TGIF1: variants seen among roughly 807,000 people sequenced by gnomAD.
TGIF1 encodes homeobox protein TGIF1.
Under a neutral mutation model 19.3 loss-of-function variants are expected in TGIF1, and 4 were observed. The ratio of observed to expected loss-of-function variants is 0.21; its 90% CI spans 0.10 to 0.47. TGIF1 has a LOEUF of 0.47. Among genes scored for constraint, TGIF1 ranks in the 20% least tolerant of loss-of-function variants. The pLI is 0.98. For missense variants in TGIF1, 275 were observed against 341.4 expected (o/e 0.81, Z 1.53); for synonymous variants, 122 against 129.3 (o/e 0.94, Z 0.38).
chr18:3,456,693 A>G lies in TGIF1; in HGVS notation c.243+113A>G. On this transcript the variant is annotated intron_variant, in intron 2 of 2. Transcript: ENST00000343820. The surrounding 1 kb of genome is among the most constrained non-coding windows in gnomAD (Gnocchi z 4.2). ...CTTGCCACTCAAAGACAGAAGGAAT[A>G]TCTTTTTATTGTAAACTTGATAGTG... 1 of 950,600 alleles carries G rather than the reference A, an allele frequency of 1.1e-6. No homozygotes were observed. The highest frequency in any genetic ancestry group is 1.6e-5 in the African/African-American group (1 of 62,046). 58.9% of individuals were successfully genotyped at this position (950,600 alleles called of 1,614,324 possible).
chr18:3,424,268 G>A (rs1016771052), intron 2 of TGIF1, among the ~76,000 whole-genome samples: 1 of 151,862 alleles, frequency 6.6e-6, no homozygotes, highest in African/African-American at 2.4e-5. Flanking sequence ...ATGTCAGATG[G>A]GTAATGTGCC....
intron 1 of TGIF1, chr18:3,412,832 G>C (rs755234420): frequency 5.9e-5 from 9 of 152,016 alleles, no homozygotes; most frequent in Non-Finnish European, 1.0e-4. Context: ...GCAACACAGG[G>C]AGACCCTGTC....
In TGIF1 at chr18:3,452,566, T is replaced by C. The variant is rs116309641; in HGVS notation, c.16+2061T>C. On this transcript the variant is annotated intron_variant, in intron 1 of 2. Transcript: ENST00000343820. ...TAGTTTCTTGGGTCCTGGAGTTCCT[T>C]TGCTTGTGCTAACTCGTGCAGTGTG... Among the ~76,000 whole-genome samples, 2,367 of 152,146 alleles carry C rather than the reference T, an allele frequency of 0.016. 71 individuals are homozygous for C. The highest frequency in any genetic ancestry group is 0.053 in the African/African-American group (2,190 of 41,428).
intron 1 of TGIF1, chr18:3,452,096 G>A (rs369936253): frequency 2.4e-5 from 38 of 1,613,870 alleles, no homozygotes; most frequent in Non-Finnish European, 3.1e-5. Context: ...GGAATCCCCA[G>A]TGCTCCTTTT....
Position 3,457,557 on chromosome 18 carries a change from G to T in TGIF1, c.436G>T (p.Ala146Ser), listed in dbSNP as rs746699119. The stretch of plus-strand genomic sequence containing the variant: ...GGAGACCCCATTTCATTCCTGTACA[G>T]CTGGGCCAAACCCAACCCTAGGGAG... Reference protein sequence around the residue: ...LEETPFHSCTAGPNPTLGRPL... With the variant: ...LEETPFHSCTSGPNPTLGRPL... The change falls in exon 3 of 3, where the codon GCT (alanine) becomes TCT (serine). Residue 146 changes from alanine to serine, a missense_variant. Coordinates refer to ENST00000343820, the MANE Select transcript of TGIF1 (RefSeq NM_003244.4). This position sits in a 1 kb window ranked among gnomAD's most constrained non-coding sequence, Gnocchi z 4.9. The T allele has an allele frequency of 1.7e-5, 28 of 1,614,202 alleles. No homozygotes were observed. Among genetic ancestry groups the T allele is most frequent in the Middle Eastern group, 1.6e-4 (1 of 6,062 alleles).
At position 3,420,024 on chromosome 18, in the gene TGIF1, G is replaced by GA. The variant is rs201008355; in HGVS notation, c.-45+1815dup. On this transcript the variant is annotated intron_variant, in intron 2 of 3. Transcript: ENST00000401449. ...CCGTCTCAAAAAAAAAAAGGAAAAA[G>GA]AAAAAAGGAAAATAACCTGATTTAA... 8.5e-3 allele frequency among the ~76,000 whole-genome samples: 1,290 copies of GA among 151,198 alleles called. 10 individuals carry two copies. Among genetic ancestry groups the GA allele is most frequent in the African/African-American group, 0.011 (456 of 41,232 alleles).
chr18:3,449,859 C>G (rs901032699), upstream of TGIF1: 1 of 985,370 alleles, frequency 1.0e-6, no homozygotes, highest in African/African-American at 1.7e-5. Context: ...ACCAAACGCA[C>G]CCTCGCCAGC....
intron 2 of TGIF1, among the ~76,000 whole-genome samples, chr18:3,439,119 A>C (rs1026546024): frequency 6.6e-6 from 1 of 152,156 alleles, no homozygotes; most frequent in African/African-American, 2.4e-5. Flanking sequence ...ATTTGCTTTA[A>C]AGTAATATAG....
In TGIF1 at chr18:3,457,291, C is replaced by T. The variant is rs2049386580; in HGVS notation, c.244-74C>T. The T allele has an allele frequency of 1.4e-6, 2 of 1,428,616 alleles. No homozygotes were observed. The highest frequency in any genetic ancestry group is 2.0e-6 in the Non-Finnish European group (2 of 1,022,986). 88.5% of individuals were successfully genotyped at this position (1,428,616 alleles called of 1,614,324 possible). On this transcript the variant is annotated intron_variant, in intron 2 of 2. Transcript: ENST00000343820. This position sits in a 1 kb window ranked among gnomAD's most constrained non-coding sequence, Gnocchi z 4.9. Reference sequence around the variant, plus strand: ...TTCAGAGAGCAAGATCAATTAGGTACCCCATAGAACATTCTCAGAACCCGT... The same window carrying T: ...TTCAGAGAGCAAGATCAATTAGGTATCCCATAGAACATTCTCAGAACCCGT...
intron 2 of TGIF1, chr18:3,418,327 G>A (rs369816489): frequency 2.6e-5 from 4 of 152,156 alleles, no homozygotes; most frequent in Non-Finnish European, 4.4e-5. Flanking sequence ...GGCAGGCTGC[G>A]ATCTATAGTC....
At chr18:3,445,744 AAAAAAAAAAG>A (rs2082734495), upstream of TGIF1, among the ~76,000 whole-genome samples, 1 of 131,446 alleles carries the variant, frequency 7.6e-6, no homozygotes, top group African/African-American at 3.0e-5. Flanking sequence ...AAAAAAAAAA[AAAAAAAAAAG>A]AGAAGAAAAG....
chr18:3,457,992 G>A lies in TGIF1; in HGVS notation c.*52G>A. The A allele has an allele frequency of 6.6e-7, 1 of 1,511,864 alleles. No homozygotes were observed. The highest frequency in any genetic ancestry group is 9.1e-7 in the Non-Finnish European group (1 of 1,100,976). The allele number at this position is 1,511,864 out of a possible 1,614,324, so 93.7% of individuals were successfully genotyped here. Reference sequence around the variant, plus strand: ...GAAATGTCATGATTGCCGGGGTGAAGGCAAGAGATGAATTGCATTATTTTA... The same window carrying A: ...GAAATGTCATGATTGCCGGGGTGAAAGCAAGAGATGAATTGCATTATTTTA... On this transcript the variant is annotated 3_prime_UTR_variant, in exon 3 of 3. Coordinates refer to ENST00000343820, the MANE Select transcript of TGIF1 (RefSeq NM_003244.4). This position sits in a 1 kb window ranked among gnomAD's most constrained non-coding sequence, Gnocchi z 4.9.
chr18:3,416,557 C>T (rs1002000169), intron 1 of TGIF1, among the ~76,000 whole-genome samples: 1 of 151,922 alleles, frequency 6.6e-6, no homozygotes, highest in Non-Finnish European at 1.5e-5. Context: ...CTGTCTAGGG[C>T]CTCTTCCTGT....
intron 2 of TGIF1, among the ~76,000 whole-genome samples, chr18:3,422,409 G>A (rs965807827): frequency 6.6e-6 from 1 of 150,482 alleles, no homozygotes; most frequent in African/African-American, 2.4e-5. Flanking sequence ...TAGGCTTAGT[G>A]TTGTGACAAA....
At chr18:3,429,002 G>A (rs1447960963) in intron 2 of TGIF1, among the ~76,000 whole-genome samples, 7 of 148,776 alleles carry the variant, frequency 4.7e-5, no homozygotes, top group Admixed American at 3.3e-4. Context: ...AGAGTGAGCC[G>A]AGATCGCGCC....
intron 2 of TGIF1, among the ~76,000 whole-genome samples, chr18:3,421,043 A>G (rs956324859): frequency 6.6e-6 from 1 of 152,084 alleles, no homozygotes; most frequent in Admixed American, 6.6e-5. Flanking sequence ...GTGGTCCCAT[A>G]AGATTATAAG....
upstream of TGIF1, among the ~76,000 whole-genome samples, chr18:3,445,185 C>T (rs1026619774): frequency 2.6e-5 from 4 of 152,154 alleles, no homozygotes; most frequent in Admixed American, 6.5e-5. Flanking sequence ...AGCGAAGACT[C>T]CTCTAAGAAG....
intron 1 of TGIF1, chr18:3,452,378 G>T: frequency 6.2e-7 from 1 of 1,613,280 alleles, no homozygotes; most frequent in African/African-American, 1.3e-5. Context: ...TGGAAACAAT[G>T]AAAGGTGACG....
intron 2 of TGIF1, among the ~76,000 whole-genome samples, chr18:3,440,404 G>C (rs1220091009): frequency 6.6e-6 from 1 of 151,812 alleles, no homozygotes; most frequent in Non-Finnish European, 1.5e-5. Context: ...CAGTTTTGCA[G>C]ATTTGGTCAT....
Sources: allele counts gnomAD v4.1 joint callset (sites outside exome capture counted in the v4.1 genomes callset), GRCh38; gene constraint gnomAD v4.1.1; non-coding constraint Gnocchi (gnomAD v3.1); transcripts MANE v1.5; gene names NCBI Gene and HGNC (gene_info 2026-07-23, HGNC 2026-07-21).